The following TBC1D10B variants were observed in gnomAD, a reference collection of about 807,000 sequenced individuals.
TBC1D10B encodes TBC1 domain family member 10B.
In TBC1D10B, 25 loss-of-function variants were observed where a neutral mutation model predicts 78.4. The ratio of observed to expected loss-of-function variants is 0.32; its 90% CI spans 0.23 to 0.45. The LOEUF is 0.45. Ranked by LOEUF, TBC1D10B falls within the 20% of genes least tolerant of loss-of-function variation. The pLI, the probability that TBC1D10B is intolerant of heterozygous loss-of-function variation, is 1.00. For missense variants in TBC1D10B, 996 were observed against 1,104.8 expected, an observed-to-expected ratio of 0.90 and a Z score of 1.40; for synonymous variants, 517 against 478.0, an observed-to-expected ratio of 1.08 and a Z score of -1.06.
chr16:30,358,541 A>T lies in TBC1D10B; in HGVS notation c.1830T>A (p.Ile610=). Residue 610 remains isoleucine, a synonymous_variant, in exon 9 of 9, where the codon ATT becomes ATA. Transcript: ENST00000409939. ...TGAGCTGGGCTGCATTCTCCCGCTC[A>T]ATCAGTGCTTCTGTCACCGGCAGAT... is the stretch of plus-strand genomic sequence containing the variant. ...VTNLPVTEAL[I]ERENAAQLKK... is the part of the protein sequence containing the mutation. The T allele has an allele frequency of 6.2e-7, 1 of 1,607,152 alleles. No homozygotes were observed. Among genetic ancestry groups the T allele is most frequent in the Non-Finnish European group, 8.5e-7 (1 of 1,174,692 alleles).
chr16:30,360,689 A>G (rs909768544), intron 4 of TBC1D10B, among the ~76,000 whole-genome samples: 11 of 152,204 alleles, frequency 7.2e-5, no homozygotes, highest in African/African-American at 2.7e-4. Context: ...CATCCACGAA[A>G]TGACAGGTTT....
Position 30,365,065 on chromosome 16 carries a change from G to C in TBC1D10B, c.1164+40C>G. ...TGGGGGAACTGATACCCCTTGCACA[G>C]ACAGGGCCACATGTCCCCACACCTT... On this transcript the variant is annotated intron_variant, in intron 3 of 8. Coordinates refer to ENST00000409939, the MANE Select transcript of TBC1D10B (RefSeq NM_015527.4). This position sits in a 1 kb window ranked among gnomAD's most constrained non-coding sequence, Gnocchi z 5.0. 6.2e-7 allele frequency: 1 copy of C among 1,612,662 alleles called. No homozygotes were observed. The highest frequency in any genetic ancestry group is 8.5e-7 in the Non-Finnish European group (1 of 1,178,758).
chr16:30,364,932 G>A lies in TBC1D10B; in HGVS notation c.1239C>T (p.Phe413=). Residue 413 remains phenylalanine, a synonymous_variant, in exon 4 of 9, where the codon TTC becomes TTT. Transcript: ENST00000409939. ...CCCCTCGAGCAGCAAACATCTCGTG[G>A]AAAGGGAACTGGCGGTGCAGGTCCT... ...IEKDLHRQFP[F]HEMFAARGGH... 1 of 1,613,072 alleles carries A rather than the reference G, an allele frequency of 6.2e-7. No homozygotes were observed. The highest frequency in any genetic ancestry group is 1.3e-5 in the African/African-American group (1 of 74,990).
At position 30,365,380 on chromosome 16, in the gene TBC1D10B, A is replaced by T. The variant is rs2049628660; in HGVS notation, c.1056+115T>A. ...TAAAGCCATTCCCCCGCCAGGGCCC[A>T]TCTATCCCCAGTGTGGTCCAGAGGG... On this transcript the variant is annotated intron_variant, in intron 2 of 8. Coordinates refer to ENST00000409939, the MANE Select transcript of TBC1D10B (RefSeq NM_015527.4). The surrounding 1 kb of genome is among the most constrained non-coding windows in gnomAD (Gnocchi z 5.0). 1 of 1,355,488 alleles carries T rather than the reference A, an allele frequency of 7.4e-7. No homozygotes were observed. Among genetic ancestry groups the T allele is most frequent in the East Asian group, 2.3e-5 (1 of 43,464 alleles). 84.0% of individuals were successfully genotyped at this position (1,355,488 alleles called of 1,614,324 possible).
At position 30,358,525 on chromosome 16, in the gene TBC1D10B, C is replaced by T. The variant is rs1567411227; in HGVS notation, c.1846G>A (p.Ala616Thr). The T allele has an allele frequency of 6.2e-7, 1 of 1,610,482 alleles. No homozygotes were observed. Among genetic ancestry groups the T allele is most frequent in the Non-Finnish European group, 8.5e-7 (1 of 1,177,632 alleles). Residue 616 changes from alanine (A) to threonine (T), a missense_variant, in exon 9 of 9, where the codon GCC becomes ACC. Physicochemically the swap from Ala to Thr is moderately conservative, Grantham distance 58 (BLOSUM62 0). Coordinates refer to ENST00000409939, the MANE Select transcript of TBC1D10B (RefSeq NM_015527.4). The stretch of plus-strand genomic sequence containing the variant: ...GTTTCCCGCCACTTCTTGAGCTGGG[C>T]TGCATTCTCCCGCTCAATCAGTGCT... The part of the protein sequence containing the change: ...TEALIERENA[A>T]QLKKWRETRG...
chr16:30,370,166 C>CGCCGT lies in TBC1D10B; in HGVS notation c.13_17dup (p.Pro7ArgfsTer38), dbSNP rs1335709008. 1 of 1,180,080 alleles carries CGCCGT rather than the reference C, an allele frequency of 8.5e-7. No individual in the cohort carries two copies. Among genetic ancestry groups the CGCCGT allele is most frequent in the Non-Finnish European group, 1.0e-6 (1 of 954,772 alleles). 73.1% of individuals were successfully genotyped at this position (1,180,080 alleles called of 1,614,324 possible). ...GACGGCGCGGCGGGGCCACCAGGGGCGCCGTGCCCGTCTCCATGGCCGCGG... is the reference window on the plus strand; with the variant it reads ...GACGGCGCGGCGGGGCCACCAGGGGCGCCGTGCCGTGCCCGTCTCCATGGCCGCGG... On this transcript the variant is annotated frameshift_variant, in exon 1 of 9. Coordinates refer to ENST00000409939, the MANE Select transcript of TBC1D10B (RefSeq NM_015527.4). LOFTEE classifies it high-confidence loss of function.
intron 4 of TBC1D10B, among the ~76,000 whole-genome samples, chr16:30,362,316 C>T (rs2049604948): frequency 6.6e-6 from 1 of 152,208 alleles, no homozygotes; most frequent in South Asian, 2.1e-4. Context: ...TCACTAATGA[C>T]TTCTCCAGTG....
At chr16:30,361,745 C>G (rs1324356024) in intron 4 of TBC1D10B, among the ~76,000 whole-genome samples, 1 of 151,216 alleles carries the variant, frequency 6.6e-6, no homozygotes, top group African/African-American at 2.4e-5. Context: ...GAGTTTCGCT[C>G]TTGTTGCCCA....
chr16:30,370,166 C>T lies in TBC1D10B; in HGVS notation c.18G>A (p.Ala6=). The change falls in exon 1 of 9, where the codon GCG becomes GCA. Residue 6 remains alanine (A), a synonymous_variant. Coordinates refer to ENST00000409939, the MANE Select transcript of TBC1D10B (RefSeq NM_015527.4). The part of the protein sequence containing the change: METGT[A]PLVAPPRRHG... Reference sequence around the variant, plus strand: ...GACGGCGCGGCGGGGCCACCAGGGGCGCCGTGCCCGTCTCCATGGCCGCGG... The same window carrying T: ...GACGGCGCGGCGGGGCCACCAGGGGTGCCGTGCCCGTCTCCATGGCCGCGG... 3 of 1,180,190 alleles carry T rather than the reference C, an allele frequency of 2.5e-6. No homozygotes were observed. The highest frequency in any genetic ancestry group is 4.2e-5 in the South Asian group (1 of 23,924). 73.1% of individuals were successfully genotyped at this position (1,180,190 alleles called of 1,614,324 possible).
intron 6 of TBC1D10B, 27 bp downstream of exon 6, chr16:30,359,511 G>A (rs781408409): frequency 8.4e-6 from 13 of 1,554,406 alleles, no homozygotes; most frequent in South Asian, 5.9e-5. Flanking sequence ...CCACAGCCCC[G>A]GATGCACCCA....
Position 30,357,970 on chromosome 16 carries a change from C to T in TBC1D10B, c.2401G>A (p.Glu801Lys). ...CAGAAGTAAGCGTCCTGCCGGGCCT[C>T]GGCTGAGGGCCTGTCCCCACCATCA... ...PHDGGDRPSA[E>K]ARQDAYF The change falls in exon 9 of 9, where the codon GAG (glutamate) becomes AAG (lysine). Residue 801 changes from glutamate (E) to lysine (K), a missense_variant. Coordinates refer to ENST00000409939, the MANE Select transcript of TBC1D10B (RefSeq NM_015527.4). 1.9e-6 allele frequency: 3 copies of T among 1,551,368 alleles called. No individual in the cohort carries two copies. The highest frequency in any genetic ancestry group is 2.6e-6 in the Non-Finnish European group (3 of 1,146,822).
In TBC1D10B at chr16:30,359,306, G is replaced by C. The variant is rs142710856; in HGVS notation, c.1508C>G (p.Pro503Arg). The C allele has an allele frequency of 6.2e-7, 1 of 1,601,044 alleles. No homozygotes were observed. Reference protein sequence around the residue: ...IFFALLRRASPLAHRHLRRQR... With the variant: ...IFFALLRRASRLAHRHLRRQR... Reference sequence around the variant, plus strand: ...CCGCCGCAGGTGGCGATGCGCCAGCGGGGAGGCCCGGCGCAGGAGTGCAAA... The same window carrying C: ...CCGCCGCAGGTGGCGATGCGCCAGCCGGGAGGCCCGGCGCAGGAGTGCAAA... Residue 503 changes from proline (P) to arginine (R), a missense_variant, in exon 7 of 9, where the codon CCG becomes CGG. Physicochemically the swap from Pro to Arg is moderately radical, Grantham distance 103. Transcript: ENST00000409939.
chr16:30,359,649 G>A (rs2049586394), intron 5 of TBC1D10B, 46 bp from the exon 6 acceptor site: 1 of 1,554,512 alleles, frequency 6.4e-7, no homozygotes. Flanking sequence ...CTGAGAAGCA[G>A]GGAGCAGGGA....
intron 4 of TBC1D10B, chr16:30,360,078 G>T (rs963671137): frequency 2.0e-5 from 10 of 492,050 alleles, no homozygotes; most frequent in Non-Finnish European, 3.6e-5. Flanking sequence ...CTGCACCCTC[G>T]CCCTCCTTCC....
intron 4 of TBC1D10B, among the ~76,000 whole-genome samples, chr16:30,363,856 C>T (rs2049614837): frequency 1.3e-5 from 2 of 152,190 alleles, no homozygotes; most frequent in Non-Finnish European, 2.9e-5. Context: ...TGGCTCACGC[C>T]TATAACGCTA....
intron 6 of TBC1D10B, 26 bp downstream of exon 6, chr16:30,359,512 G>C: frequency 6.4e-7 from 1 of 1,554,508 alleles, no homozygotes; most frequent in Non-Finnish European, 8.7e-7. Flanking sequence ...CACAGCCCCG[G>C]ATGCACCCAG....
At position 30,370,015 on chromosome 16, in the gene TBC1D10B, C is replaced by G. The variant is rs922950778; in HGVS notation, c.169G>C (p.Glu57Gln). 46 of 1,232,134 alleles carry G rather than the reference C, an allele frequency of 3.7e-5. No individual in the cohort carries two copies. Among genetic ancestry groups the G allele is most frequent in the Admixed American group, 1.3e-4 (3 of 23,658 alleles). 76.3% of individuals were successfully genotyped at this position (1,232,134 alleles called of 1,614,324 possible). A position where few individuals can be genotyped will look rare whatever the true frequency, so the allele number is the denominator to read the frequency against. ...SAPVTLVAPG[E>Q]ARPAWVPGSA... ...CCCGGGACCCAGGCGGGCCGCGCCT[C>G]CCCGGGGGCCACCAGGGTGACGGGG... Residue 57 changes from glutamate (E) to glutamine (Q), a missense_variant, in exon 1 of 9, where the codon GAG becomes CAG. By Grantham distance (29) the Glu-to-Gln change is conservative (BLOSUM62 2). This residue lies in a region of TBC1D10B where 448 missense variants were observed against 442.1 expected (regional missense o/e 1.01). Transcript: ENST00000409939.
chr16:30,358,467 C>A lies in TBC1D10B; in HGVS notation c.1904G>T (p.Arg635Leu), dbSNP rs1432454183. ...GTGGATGGCCCGGGACCCATGCAGT[C>A]GCCGTGAGGGCCGATACTGCAGCTC... ...RGELQYRPSR[R>L]LHGSRAIHEE... Residue 635 changes from arginine to leucine, a missense_variant, in exon 9 of 9, where the codon CGA becomes CTA. By Grantham distance (102) the Arg-to-Leu change is moderately radical. Coordinates refer to ENST00000409939, the MANE Select transcript of TBC1D10B (RefSeq NM_015527.4). 6.3e-7 allele frequency: 1 copy of A among 1,593,590 alleles called. No individual in the cohort carries two copies. Among genetic ancestry groups the A allele is most frequent in the Non-Finnish European group, 8.5e-7 (1 of 1,170,468 alleles).
At chr16:30,364,567 TG>T (rs1329187689) in intron 4 of TBC1D10B, among the ~76,000 whole-genome samples, 3 of 152,186 alleles carry the variant, frequency 2.0e-5, no homozygotes, top group Non-Finnish European at 1.5e-5. Flanking sequence ...CCAAATGCTT[TG>T]GCATAGCATT....
Sources: allele counts gnomAD v4.1 joint callset (sites outside exome capture counted in the v4.1 genomes callset), GRCh38; gene constraint gnomAD v4.1.1; regional missense constraint gnomAD v4.1.1; non-coding constraint Gnocchi (gnomAD v3.1); transcripts MANE v1.5; gene names NCBI Gene and HGNC (gene_info 2026-07-23, HGNC 2026-07-21).